Variants in DLG2 observed in about 807,000 individuals in gnomAD.
DLG2 encodes the protein discs large MAGUK scaffold protein 2.
A neutral mutation model predicts 132.5 loss-of-function variants in DLG2; 45 were observed. That is an observed-to-expected ratio of 0.34 (90% CI 0.27 to 0.44). The LOEUF is 0.44. DLG2 is among the 20% of genes least tolerant of loss of function. The probability of loss-of-function intolerance (pLI) is 1.00; values close to 1 mark genes in which losing one functional copy is unlikely to be tolerated. For missense variants in DLG2, 1,045 were observed against 1,196.9 expected, an observed-to-expected ratio of 0.87 and a Z score of 1.87; for synonymous variants, 424 against 419.6, an observed-to-expected ratio of 1.01 and a Z score of -0.13.
chr11:85,199,923 T>C (rs1195153662), intron 4 of DLG2, among the ~76,000 whole-genome samples: 2 of 151,608 alleles, frequency 1.3e-5, no homozygotes, highest in Non-Finnish European at 2.9e-5. Flanking sequence ...AATATTTTTG[T>C]AGTGAGACCC....
chr11:84,474,559 T>C (rs1202022190), intron 7 of DLG2, among the ~76,000 whole-genome samples: 1 of 152,048 alleles, frequency 6.6e-6, no homozygotes, highest in Non-Finnish European at 1.5e-5. Flanking sequence ...ATATATTCTC[T>C]TTATCATGTG....
chr11:83,712,054 G>C (rs2085562863), intron 18 of DLG2, among the ~76,000 whole-genome samples: 1 of 152,178 alleles, frequency 6.6e-6, no homozygotes, highest in Non-Finnish European at 1.5e-5. Flanking sequence ...CATTTACACT[G>C]TTGGTGGGAG....
chr11:84,711,009 G>T (rs60737564), intron 6 of DLG2, among the ~76,000 whole-genome samples: 4,740 of 88,644 alleles, frequency 0.053, 114 homozygotes, highest in African/African-American at 0.1. Flanking sequence ...TATATATATA[G>T]ATATATATAT....
At chr11:83,893,189 G>A (rs747772976) in intron 15 of DLG2, among the ~76,000 whole-genome samples, 33 of 152,134 alleles carry the variant, frequency 2.2e-4, no homozygotes, top group Admixed American at 4.6e-4. Context: ...TTAAAACAGC[G>A]TCCCAACTGA....
intron 18 of DLG2, among the ~76,000 whole-genome samples, chr11:83,731,539 G>C (rs911203823): frequency 6.6e-6 from 1 of 152,156 alleles, no homozygotes; most frequent in African/African-American, 2.4e-5. Flanking sequence ...GTCTATCATA[G>C]ATAGGCATCT....
At chr11:85,220,637 A>AAAAAAAT (rs371263007) in intron 4 of DLG2, among the ~76,000 whole-genome samples, 19 of 148,316 alleles carry the variant, frequency 1.3e-4, no homozygotes, top group African/African-American at 4.5e-4. Flanking sequence ...TAGAAAAAAA[A>AAAAAAAT]ATATATATAT....
At chr11:84,615,386 C>T (rs1225371339) in intron 6 of DLG2, among the ~76,000 whole-genome samples, 1 of 152,060 alleles carries the variant, frequency 6.6e-6, no homozygotes, top group Non-Finnish European at 1.5e-5. Context: ...AATTACTGCT[C>T]TTGGTCACCT....
At position 84,048,986 on chromosome 11, in the gene DLG2, A is replaced by C. The variant is rs2096295926; in HGVS notation, c.919+10329T>G. ...TAAAATTTTAATTCATTCAGTGTTC[A>C]TTCTCAATAAGACAGCTCTAGGCCT... is the stretch of plus-strand genomic sequence containing the variant. On this transcript the variant is annotated intron_variant, in intron 11 of 27. Coordinates refer to ENST00000376104, the MANE Select transcript of DLG2 (RefSeq NM_001142699.3). Among the ~76,000 whole-genome samples, 5 of 151,752 alleles carry C rather than the reference A, an allele frequency of 3.3e-5. No homozygotes were observed. The Admixed American group carries it at 3.3e-4, about 10-fold the overall frequency.
chr11:83,983,034 T>C (rs1466089727), intron 11 of DLG2, among the ~76,000 whole-genome samples: 4 of 152,114 alleles, frequency 2.6e-5, no homozygotes, highest in Admixed American at 2.6e-4. Flanking sequence ...TATGTTCCCA[T>C]AACAATGATG....
At chr11:84,156,062 A>T (rs776603788) in intron 9 of DLG2, among the ~76,000 whole-genome samples, 12 of 152,204 alleles carry the variant, frequency 7.9e-5, no homozygotes, top group Non-Finnish European at 1.5e-4. Flanking sequence ...GAAATAATTC[A>T]AAAATATACT....
At chr11:84,579,212 T>C (rs1189431227) in intron 6 of DLG2, among the ~76,000 whole-genome samples, 1 of 151,922 alleles carries the variant, frequency 6.6e-6, no homozygotes, top group African/African-American at 2.4e-5. Flanking sequence ...TGTGTGTGTG[T>C]GTGTGTGTGT....
In DLG2 at chr11:83,631,046, C is replaced by G. The variant is rs555257379; in HGVS notation, c.1940+2165G>C. 3 of 152,124 alleles carry G rather than the reference C, an allele frequency of 2.0e-5. No individual in the cohort carries two copies. The East Asian group carries it at 5.8e-4, about 29-fold the overall frequency. The allele number at this position is 152,124 out of a possible 1,614,324, so 9.4% of individuals were successfully genotyped here. ...AACTGACCGTGGTCCTATACAAGCA[C>G]TCTAGACAAAGCAAGCATCTGTATG... On this transcript the variant is annotated intron_variant, in intron 19 of 27. Transcript: ENST00000376104.
chr11:84,277,149 A>G (rs1217104347), intron 7 of DLG2, among the ~76,000 whole-genome samples: 2 of 152,212 alleles, frequency 1.3e-5, no homozygotes, highest in Non-Finnish European at 2.9e-5. Context: ...AGATATCAAC[A>G]CCTTTAAATA....
intron 3 of DLG2, among the ~76,000 whole-genome samples, chr11:85,412,698 C>T (rs2089422822): frequency 6.9e-6 from 1 of 145,384 alleles, no homozygotes; most frequent in South Asian, 2.2e-4. Context: ...GCTGCTAACT[C>T]ATTCCTTTTG....
At chr11:84,449,363 C>T (rs959962944) in intron 7 of DLG2, among the ~76,000 whole-genome samples, 2 of 151,710 alleles carry the variant, frequency 1.3e-5, no homozygotes, top group Admixed American at 1.3e-4. Context: ...ATCTTCAATG[C>T]CAATATCAAT....
At chr11:84,045,341 T>C (rs1374943863) in intron 11 of DLG2, among the ~76,000 whole-genome samples, 1 of 151,646 alleles carries the variant, frequency 6.6e-6, no homozygotes, top group Non-Finnish European at 1.5e-5. Context: ...ATATAAGGAA[T>C]TGCTGAGTCA....
Position 85,234,880 on chromosome 11 carries a change from T to A in DLG2, c.186+50340A>T, listed in dbSNP as rs542892163. The stretch of plus-strand genomic sequence containing the variant: ...TCTGTATTTGTATAGTGTCTTTTCA[T>A]CAAGAGGGACAAAAATCACCACAGA... On this transcript the variant is annotated intron_variant, in intron 4 of 27. Coordinates refer to ENST00000376104, the MANE Select transcript of DLG2 (RefSeq NM_001142699.3). 2.6e-5 allele frequency among the ~76,000 whole-genome samples: 4 copies of A among 152,114 alleles called. No homozygotes were observed. In the South Asian group the frequency reaches 8.3e-4, roughly 31 times the overall value.
chr11:85,482,401 T>A (rs940266747), intron 3 of DLG2, among the ~76,000 whole-genome samples: 2 of 152,100 alleles, frequency 1.3e-5, no homozygotes, highest in East Asian at 3.9e-4. Context: ...CATGGTCCCA[T>A]GCTCAAGGCC....
At chr11:84,721,348 G>A (rs1022491788) in intron 6 of DLG2, among the ~76,000 whole-genome samples, 3 of 152,134 alleles carry the variant, frequency 2.0e-5, no homozygotes, top group Non-Finnish European at 4.4e-5. Flanking sequence ...CAGAACCAAG[G>A]CTTTATTTGA....
Sources: gnomAD v4.1 joint callset for allele counts (sites outside exome capture counted in the v4.1 genomes callset) on GRCh38, gnomAD v4.1.1 for gene constraint, MANE v1.5 for transcripts, NCBI Gene and HGNC (gene_info 2026-07-23, HGNC 2026-07-21) for gene names.